The following TBXAS1 variants were observed in gnomAD, a reference collection of about 807,000 sequenced individuals.
The protein encoded by TBXAS1 is thromboxane-A synthase.
A neutral mutation model predicts 60.7 loss-of-function variants in TBXAS1; 48 were observed. That is an observed-to-expected ratio of 0.79 (90% CI 0.63 to 1.01). The LOEUF (loss-of-function observed/expected upper bound fraction) is 1.01. Among genes scored for constraint, TBXAS1 ranks in the 50% least tolerant of loss-of-function variants. The pLI, the probability that TBXAS1 is intolerant of heterozygous loss-of-function variation, is 0.00. For missense variants in TBXAS1, 685 were observed against 686.3 expected (o/e 1.00, Z 0.02); for synonymous variants, 287 against 269.7 (o/e 1.06, Z -0.63).
chr7:139,908,759 T>C (rs1178541209), intron 3 of TBXAS1, among the ~76,000 whole-genome samples: 1 of 152,240 alleles, frequency 6.6e-6, no homozygotes, highest in Non-Finnish European at 1.5e-5. Flanking sequence ...ATCCATTTCA[T>C]TGTCCTTTCC....
chr7:139,824,836 T>C (rs201036772), upstream of TBXAS1, among the ~76,000 whole-genome samples: 9 of 75,496 alleles, frequency 1.2e-4, no homozygotes, highest in Admixed American at 1.3e-4. Context: ...TTTCTTTTTT[T>C]TTTTTTTTTT....
At position 139,854,106 on chromosome 7, in the gene TBXAS1, C is replaced by T. The variant is rs559680530; in HGVS notation, c.90-18129C>T. On this transcript the variant is annotated intron_variant, in intron 1 of 12. Transcript: ENST00000448866. The stretch of plus-strand genomic sequence containing the variant: ...CACCTAGGCCCAAAATTTAAGAAGG[C>T]CCTCACTCTCAGGGTTGTACAAGAG... Among the ~76,000 whole-genome samples, 9 of 152,090 alleles carry T rather than the reference C, an allele frequency of 5.9e-5. No homozygotes were observed. In the South Asian group the frequency reaches 1.7e-3, roughly 28 times the overall value.
chr7:139,847,063 T>C (rs888011563), intron 1 of TBXAS1, among the ~76,000 whole-genome samples: 3 of 152,198 alleles, frequency 2.0e-5, no homozygotes, highest in African/African-American at 7.2e-5. Context: ...CACCAACATA[T>C]ATTGCTATTA....
chr7:139,941,583 ATGGC>A (rs1808296957), intron 5 of TBXAS1, among the ~76,000 whole-genome samples: 1 of 152,200 alleles, frequency 6.6e-6, no homozygotes, highest in African/African-American at 2.4e-5. Context: ...ATAGAAAAGG[ATGGC>A]TGAGCATTCC....
chr7:139,851,555 T>A (rs1277621447), intron 1 of TBXAS1, among the ~76,000 whole-genome samples: 2 of 152,238 alleles, frequency 1.3e-5, no homozygotes, highest in Non-Finnish European at 2.9e-5. Context: ...GCATGGCAGA[T>A]CCTATCTACT....
intron 12 of TBXAS1, among the ~76,000 whole-genome samples, chr7:140,018,527 T>C (rs956949327): frequency 1.3e-5 from 2 of 152,008 alleles, no homozygotes; most frequent in African/African-American, 4.8e-5. Context: ...TCTCCTGAAA[T>C]GGGGCCTCAC....
At chr7:139,949,117 C>T (rs924801816) in intron 5 of TBXAS1, among the ~76,000 whole-genome samples, 1 of 152,146 alleles carries the variant, frequency 6.6e-6, no homozygotes, top group Non-Finnish European at 1.5e-5. Context: ...CGTAGAAGAC[C>T]CGATGGTGGG....
At chr7:139,838,801 G>A (rs1166330516) in intron 1 of TBXAS1, among the ~76,000 whole-genome samples, 1 of 152,190 alleles carries the variant, frequency 6.6e-6, no homozygotes, top group African/African-American at 2.4e-5. Flanking sequence ...TCTGTGAACT[G>A]GGGCATCAGG....
intron 4 of TBXAS1, among the ~76,000 whole-genome samples, chr7:139,818,402 G>C (rs1798208461): frequency 6.6e-6 from 1 of 152,182 alleles, no homozygotes; most frequent in Non-Finnish European, 1.5e-5. Flanking sequence ...AAATGTTCAA[G>C]GTACGAAGGT....
At chr7:139,861,400 AT>A (rs915023081) in intron 1 of TBXAS1, among the ~76,000 whole-genome samples, 5 of 143,454 alleles carry the variant, frequency 3.5e-5, no homozygotes, top group African/African-American at 7.8e-5. Flanking sequence ...CACCTGGCTA[AT>A]TTTTTTTTCT....
rs140516183 is a variant in TBXAS1 at position 139,975,437 on chromosome 7, G to A, written c.1134+13204G>A. ...TAATATTCCATGATTCCATGGTTCT[G>A]ATGCCATTCCTCAGCGCTCTGCTGT... On this transcript the variant is annotated intron_variant, in intron 9 of 12. Transcript: ENST00000448866. The surrounding 1 kb of genome is among the most constrained non-coding windows in gnomAD (Gnocchi z 4.4). 5.8e-3 allele frequency among the ~76,000 whole-genome samples: 890 copies of A among 152,270 alleles called. 2 individuals are homozygous for A. Among genetic ancestry groups the A allele is most frequent in the Non-Finnish European group, 0.01 (712 of 68,016 alleles).
chr7:139,798,456 T>C (rs1312611255), intron 4 of TBXAS1, among the ~76,000 whole-genome samples: 1 of 152,158 alleles, frequency 6.6e-6, no homozygotes, highest in African/African-American at 2.4e-5. Context: ...AACATATGGC[T>C]CACAAGGTAC....
intron 9 of TBXAS1, among the ~76,000 whole-genome samples, chr7:139,989,163 G>A (rs1263058524): frequency 6.6e-6 from 1 of 152,238 alleles, no homozygotes; most frequent in Non-Finnish European, 1.5e-5. Context: ...ACTTTCCAAA[G>A]AGACCCATGG....
At chr7:139,964,331 T>C (rs533418167) in intron 9 of TBXAS1, among the ~76,000 whole-genome samples, 28 of 152,316 alleles carry the variant, frequency 1.8e-4, no homozygotes, top group Non-Finnish European at 3.5e-4. Flanking sequence ...GTGATCCGCC[T>C]GCCTCGGCCT....
Position 140,017,729 on chromosome 7 carries a change from G to C in TBXAS1, c.1423G>C (p.Gly475Arg). The C allele has an allele frequency of 1.2e-6, 2 of 1,614,006 alleles. No individual in the cohort carries two copies. Among genetic ancestry groups the C allele is most frequent in the Non-Finnish European group, 1.7e-6 (2 of 1,179,924 alleles). ...RPFTYLPFGAGPRSCLGVRLG... is the reference protein window; with the variant it reads ...RPFTYLPFGARPRSCLGVRLG... ...CTTCACGTACCTGCCCTTCGGGGCC[G>C]GCCCACGGAGCTGCCTCGGGGTGCG... is the stretch of plus-strand genomic sequence containing the variant. The change falls in exon 12 of 13, where the codon GGC (glycine) becomes CGC (arginine). Residue 475 changes from glycine to arginine, a missense_variant. Physicochemically the swap from Gly to Arg is moderately radical, Grantham distance 125. Coordinates refer to ENST00000448866, the MANE Select transcript of TBXAS1 (RefSeq NM_001061.7).
intron 9 of TBXAS1, among the ~76,000 whole-genome samples, chr7:139,994,208 A>AT (rs1813135797): frequency 6.6e-6 from 1 of 151,998 alleles, no homozygotes; most frequent in African/African-American, 2.4e-5. Flanking sequence ...CACTTGGCTA[A>AT]TTTTTTGTAT....
intron 9 of TBXAS1, among the ~76,000 whole-genome samples, chr7:139,992,291 A>G (rs956803125): frequency 5.3e-5 from 8 of 152,212 alleles, no homozygotes; most frequent in Non-Finnish European, 1.0e-4. Context: ...GCTCTGAGGC[A>G]TGTGCTATCT....
At chr7:139,818,997 A>G (rs1321421234) in intron 4 of TBXAS1, among the ~76,000 whole-genome samples, 1 of 152,196 alleles carries the variant, frequency 6.6e-6, no homozygotes, top group Non-Finnish European at 1.5e-5. Flanking sequence ...TTTTTAGCAG[A>G]GGGCTGCAAT....
At chr7:140,015,698 A>AC (rs760929794) in intron 10 of TBXAS1, 25 bp from the exon 11 acceptor site, 18 of 1,611,584 alleles carry the variant, frequency 1.1e-5, no homozygotes, top group Non-Finnish European at 1.4e-5. Flanking sequence ...CTCTGTATCC[A>AC]CCCCCGACCT....
Sources: allele counts gnomAD v4.1 joint callset (sites outside exome capture counted in the v4.1 genomes callset), GRCh38; gene constraint gnomAD v4.1.1; non-coding constraint Gnocchi (gnomAD v3.1); transcripts MANE v1.5; gene names NCBI Gene and HGNC (gene_info 2026-07-23, HGNC 2026-07-21).